Variants in FN1 observed in about 807,000 individuals in gnomAD.
The protein encoded by FN1 is fibronectin 1, also known as fibronectin.
In FN1, 106 loss-of-function variants were observed where a neutral mutation model predicts 297.3. The ratio of observed to expected loss-of-function variants is 0.36; its 90% CI spans 0.30 to 0.42. The LOEUF is 0.42. Among genes scored for constraint, FN1 ranks in the 10% least tolerant of loss-of-function variants. The pLI, the probability that FN1 is intolerant of heterozygous loss-of-function variation, is 1.00. For missense variants in FN1, 2,690 were observed against 3,124.9 expected (o/e 0.86, Z 3.32); for synonymous variants, 1,149 against 1,152.6 (o/e 1.00, Z 0.06).
intron 10 of FN1, chr2:215,421,199 C>T (rs930001188): frequency 6.6e-6 from 2 of 304,702 alleles, no homozygotes; most frequent in Admixed American, 9.4e-5. Context: ...ATTTATCTAA[C>T]ACCCAGCATG....
intron 35 of FN1, among the ~76,000 whole-genome samples, chr2:215,377,110 G>C (rs900086105): frequency 3.6e-5 from 5 of 137,036 alleles, no homozygotes; most frequent in Admixed American, 2.3e-4. Context: ...GTGTGTGTGT[G>C]TCTAATATTA....
Position 215,391,706 on chromosome 2 carries a change from T to C in FN1, c.4178A>G (p.Tyr1393Cys). 6.2e-7 allele frequency: 1 copy of C among 1,614,104 alleles called. No homozygotes were observed. The highest frequency in any genetic ancestry group is 1.3e-5 in the African/African-American group (1 of 75,034). The part of the protein sequence containing the change: ...SIDLTNFLVR[Y>C]SPVKNEEDVA... ...ATCTTCCTCATTTTTCACAGGTGAG[T>C]AACGCACCAGGAAGTTGGTTAAATC... Residue 1393 changes from tyrosine to cysteine, a missense_variant, in exon 26 of 46, where the codon TAC (tyrosine) becomes TGC (cysteine). Tyr to Cys is a radical substitution (Grantham distance 194). Around this residue, in one of 3 missense-constraint regions of FN1, gnomAD observed 1,743 missense variants for 1,945.2 expected, o/e 0.90. Transcript: ENST00000354785.
chr2:215,400,512 G>A (rs1378796182), intron 20 of FN1, among the ~76,000 whole-genome samples: 1 of 151,902 alleles, frequency 6.6e-6, no homozygotes, highest in Non-Finnish European at 1.5e-5. Context: ...AGCACTTTGG[G>A]AGGCTGATGT....
At chr2:215,407,966 A>C in intron 17 of FN1, 142 bp downstream of exon 17, 2 of 618,836 alleles carry the variant, frequency 3.2e-6, no homozygotes, top group Non-Finnish European at 5.8e-6. Context: ...ACACACACAC[A>C]CACACACACA....
intron 12 of FN1, among the ~76,000 whole-genome samples, chr2:215,417,060 C>T (rs1319116087): frequency 1.3e-5 from 2 of 152,158 alleles, no homozygotes; most frequent in African/African-American, 4.8e-5. Context: ...TATATTCTAG[C>T]TTATACTACG....
At chr2:215,380,511 G>T (rs1446101332) in intron 33 of FN1, 2 of 426,990 alleles carry the variant, frequency 4.7e-6, no homozygotes, top group Non-Finnish European at 8.6e-6. Flanking sequence ...CATAGTGAGG[G>T]TAATCACAGG....
chr2:215,392,781 G>A (rs1575490438), intron 25 of FN1, 150 bp downstream of exon 25: 1 of 790,530 alleles, frequency 1.3e-6, no homozygotes. Context: ...TTTAGCAGAT[G>A]CATTTGATTC....
In FN1 at chr2:215,406,297, T is replaced by A. The variant is rs868515696; in HGVS notation, c.2927A>T (p.Lys976Ile). 1.2e-6 allele frequency: 2 copies of A among 1,614,180 alleles called. No individual in the cohort carries two copies. The highest frequency in any genetic ancestry group is 3.3e-5 in the Admixed American group (2 of 60,026). ...GLSPGVTYYF[K>I]VFAVSHGRES... is the part of the protein sequence containing the mutation. ...CCTCCCATGGCTCACTGCAAAGACT[T>A]TGAAGTAATAGGTGACCCCAGGGGA... Residue 976 changes from lysine (K) to isoleucine (I), a missense_variant, in exon 19 of 46, where the codon AAA becomes ATA. By Grantham distance (102) the Lys-to-Ile change is moderately radical. Around this residue, in one of 3 missense-constraint regions of FN1, gnomAD observed 1,743 missense variants for 1,945.2 expected, o/e 0.90. Coordinates refer to ENST00000354785, the MANE Select transcript of FN1 (RefSeq NM_212482.4).
At chr2:215,394,247 C>T (rs956894168) in intron 24 of FN1, among the ~76,000 whole-genome samples, 2 of 152,200 alleles carry the variant, frequency 1.3e-5, no homozygotes, top group African/African-American at 2.4e-5. Context: ...GTCATACTTC[C>T]ATGTGAGCAG....
At chr2:215,421,178 A>G (rs1439777688) in intron 10 of FN1, 1 of 320,100 alleles carries the variant, frequency 3.1e-6, no homozygotes, top group Non-Finnish European at 6.0e-6. Context: ...AATAAGAAGA[A>G]GATTAAACAT....
intron 7 of FN1, among the ~76,000 whole-genome samples, 169 bp downstream of exon 7, chr2:215,424,925 T>C (rs1259111582): frequency 6.6e-6 from 1 of 152,172 alleles, no homozygotes; most frequent in African/African-American, 2.4e-5. Context: ...AATACATAAA[T>C]TAAAAAGATT....
Position 215,362,082 on chromosome 2 carries a change from G to C in FN1, c.7252-3C>G. ...CGGCAGTTGTCACAGCGCCAGCCCT[G>C]AGAGAGTAGAGGCATGAAGTCAAAT... On this transcript the variant is annotated splice_polypyrimidine_tract_variant and splice_region_variant and intron_variant, in intron 44 of 45. Transcript: ENST00000354785. 6.2e-7 allele frequency: 1 copy of C among 1,610,102 alleles called. No homozygotes were observed. Among genetic ancestry groups the C allele is most frequent in the Non-Finnish European group, 8.5e-7 (1 of 1,176,434 alleles).
chr2:215,377,973 A>T lies in FN1; in HGVS notation c.5710+202T>A, dbSNP rs143978331. On this transcript the variant is annotated intron_variant, in intron 35 of 45. Transcript: ENST00000354785. ...ATAAATCTAAAAAATTATTTATTTTATTTATTTTATTTTTTTTAAGAGACA... is the reference window on the plus strand; with the variant it reads ...ATAAATCTAAAAAATTATTTATTTTTTTTATTTTATTTTTTTTAAGAGACA... Among the ~76,000 whole-genome samples the T allele has an allele frequency of 4.1e-3, 631 of 152,150 alleles. 2 individuals are homozygous for T. Among genetic ancestry groups the T allele is most frequent in the African/African-American group, 0.014 (571 of 41,530 alleles).
At chr2:215,397,906 T>G in intron 21 of FN1, 58 bp from the exon 22 acceptor site, 1 of 1,422,588 alleles carries the variant, frequency 7.0e-7, no homozygotes, top group East Asian at 2.3e-5. Context: ...GGACTGTTAC[T>G]GCTGTGAGGC....
intron 23 of FN1, among the ~76,000 whole-genome samples, chr2:215,395,742 G>T (rs1241559585): frequency 6.6e-6 from 1 of 152,118 alleles, no homozygotes; most frequent in Non-Finnish European, 1.5e-5. Context: ...AGAATATTTT[G>T]CCATTAGGAA....
intron 44 of FN1, 179 bp downstream of exon 44, chr2:215,364,700 T>C (rs2054188003): frequency 1.6e-6 from 1 of 632,012 alleles, no homozygotes; most frequent in South Asian, 1.8e-5. Flanking sequence ...ATGAATGGCA[T>C]GTAAGGTAGA....
rs1033601338 is a variant in FN1 at position 215,428,174 on chromosome 2, C to A, written c.844+6G>T. On this transcript the variant is annotated splice_donor_region_variant and intron_variant, in intron 6 of 45. Transcript: ENST00000354785. ...ATTTCCCGCCCCTGCTCGTCCTGTG[C>A]CTCACCGCTCGATGTGGTCTGCACA... 1 of 1,613,784 alleles carries A rather than the reference C, an allele frequency of 6.2e-7. No individual in the cohort carries two copies. The highest frequency in any genetic ancestry group is 1.1e-5 in the South Asian group (1 of 91,082).
At chr2:215,421,581 T>C (rs2064375840) in intron 10 of FN1, among the ~76,000 whole-genome samples, 1 of 152,200 alleles carries the variant, frequency 6.6e-6, no homozygotes, top group Non-Finnish European at 1.5e-5. Flanking sequence ...ATCAAAGAAA[T>C]GGAAAACTAA....
chr2:215,369,215 T>TAAAAAAA (rs58108373), intron 41 of FN1, among the ~76,000 whole-genome samples: 2 of 138,004 alleles, frequency 1.4e-5, no homozygotes, highest in Non-Finnish European at 3.1e-5. Context: ...ATGGAATCTT[T>TAAAAAAA]AAAAAAAAAA....
Sources: allele counts gnomAD v4.1 joint callset (sites outside exome capture counted in the v4.1 genomes callset), GRCh38; gene constraint gnomAD v4.1.1; regional missense constraint gnomAD v4.1.1; transcripts MANE v1.5; gene names NCBI Gene and HGNC (gene_info 2026-07-23, HGNC 2026-07-21).